Variants in SUPT20H observed in about 807,000 individuals in gnomAD.
The protein encoded by SUPT20H is SPT20 homolog, SAGA complex component.
SUPT20H carries 82 observed loss-of-function variants against 122.8 expected under a neutral mutation model. The ratio of observed to expected loss-of-function variants is 0.67; its 90% CI spans 0.56 to 0.80. The LOEUF is 0.80. Among genes scored for constraint, SUPT20H ranks in the 30% least tolerant of loss-of-function variants. The probability of loss-of-function intolerance (pLI) is 0.00; values close to 1 mark genes in which losing one functional copy is unlikely to be tolerated. For missense variants in SUPT20H, 831 were observed against 921.6 expected, an observed-to-expected ratio of 0.90 and a Z score of 1.27; for synonymous variants, 291 against 313.0, an observed-to-expected ratio of 0.93 and a Z score of 0.74.
At chr13:37,012,063 C>T (rs2059710441) in intron 24 of SUPT20H, 129 bp downstream of exon 24, 2 of 697,686 alleles carry the variant, frequency 2.9e-6, no homozygotes, top group Admixed American at 2.3e-5. Flanking sequence ...ATAGTTTACA[C>T]ATTATAGCTT....
chr13:37,021,502 C>G lies in SUPT20H; in HGVS notation c.1762G>C (p.Gly588Arg). 1 of 1,613,940 alleles carries G rather than the reference C, an allele frequency of 6.2e-7. No individual in the cohort carries two copies. Among genetic ancestry groups the G allele is most frequent in the Non-Finnish European group, 8.5e-7 (1 of 1,179,950 alleles). ...GINLSGLLPS[G>R]GLLPNALPSA... is the part of the protein sequence containing the mutation. The stretch of plus-strand genomic sequence containing the variant: ...GGCAGTGCATTTGGTAGCAGACCTC[C>G]TGAGGGTAGAAGGCCGCTCAGGTTT... Residue 588 changes from glycine (G) to arginine (R), a missense_variant, in exon 21 of 26, where the codon GGA becomes CGA. Coordinates refer to ENST00000350612, the MANE Select transcript of SUPT20H (RefSeq NM_001014286.3).
chr13:37,036,592 T>C (rs1393369620), intron 9 of SUPT20H, among the ~76,000 whole-genome samples: 2 of 152,122 alleles, frequency 1.3e-5, no homozygotes, highest in Non-Finnish European at 2.9e-5. Flanking sequence ...AGTGCTGGAA[T>C]TACAGGTGTG....
At chr13:37,024,630 A>G (rs2061906959) in intron 17 of SUPT20H, 188 bp from the exon 18 acceptor site, 1 of 373,986 alleles carries the variant, frequency 2.7e-6, no homozygotes, top group Admixed American at 4.4e-5. Context: ...AGAAAATTTC[A>G]CATGAGATTC....
At chr13:37,044,563 C>A (rs1255996892) in intron 6 of SUPT20H, among the ~76,000 whole-genome samples, 1 of 152,112 alleles carries the variant, frequency 6.6e-6, no homozygotes, top group East Asian at 1.9e-4. Flanking sequence ...ACTTTTAGAA[C>A]AAAATTCTCT....
intron 13 of SUPT20H, 68 bp from the exon 14 acceptor site, chr13:37,028,373 TCAGGAATAAATGATA>T: frequency 7.0e-7 from 1 of 1,431,220 alleles, no homozygotes; most frequent in South Asian, 1.3e-5. Context: ...TTAGTAAAAA[TCAGGAATAAATGATA>T]CAGTAACATG....
In SUPT20H at chr13:37,010,664, A is replaced by T; in HGVS notation, c.2099-9T>A. 1 of 1,611,358 alleles carries T rather than the reference A, an allele frequency of 6.2e-7. No individual in the cohort carries two copies. The highest frequency in any genetic ancestry group is 8.5e-7 in the Non-Finnish European group (1 of 1,177,936). On this transcript the variant is annotated splice_polypyrimidine_tract_variant and intron_variant, in intron 24 of 25. Coordinates refer to ENST00000350612, the MANE Select transcript of SUPT20H (RefSeq NM_001014286.3). ...GCCAAGCTGAGACAACACTACAGAGAGGAGAAGGGGAAAGCAGGCCAGTCA... is the reference window on the plus strand; with the variant it reads ...GCCAAGCTGAGACAACACTACAGAGTGGAGAAGGGGAAAGCAGGCCAGTCA...
chr13:37,014,866 A>T (rs1593850804), intron 23 of SUPT20H, among the ~76,000 whole-genome samples: 1 of 152,354 alleles, frequency 6.6e-6, no homozygotes, highest in East Asian at 1.9e-4. Flanking sequence ...AAAAACATGG[A>T]AAAATCAATT....
intron 19 of SUPT20H, chr13:37,023,069 TG>T: frequency 7.8e-7 from 1 of 1,281,786 alleles, no homozygotes; most frequent in African/African-American, 1.5e-5. Context: ...GAAAGAAATG[TG>T]AATGTCCAGA....
In SUPT20H at chr13:37,024,133, G is replaced by A; in HGVS notation, c.1493C>T (p.Ser498Phe). The A allele has an allele frequency of 1.2e-6, 2 of 1,613,866 alleles. No individual in the cohort carries two copies. Among genetic ancestry groups the A allele is most frequent in the Non-Finnish European group, 1.7e-6 (2 of 1,179,814 alleles). ...SFLKSPTPPPSSKPSSIPRKS... is the reference protein window; with the variant it reads ...SFLKSPTPPPFSKPSSIPRKS... Reference sequence around the variant, plus strand: ...CCGAGGAATACTTGATGGCTTAGAAGAAGGAGGAGGAGTTGGAGATTTGAG... The same window carrying A: ...CCGAGGAATACTTGATGGCTTAGAAAAAGGAGGAGGAGTTGGAGATTTGAG... The change falls in exon 19 of 26, where the codon TCT (serine) becomes TTT (phenylalanine). Residue 498 changes from serine to phenylalanine, a missense_variant. Ser to Phe is a radical substitution (Grantham distance 155). Transcript: ENST00000350612.
chr13:37,013,153 G>A (rs1276806962), intron 23 of SUPT20H: 4 of 151,250 alleles, frequency 2.6e-5, no homozygotes, highest in Admixed American at 6.6e-5. Flanking sequence ...ACCTACATTA[G>A]CTACAACAAT....
intron 14 of SUPT20H, among the ~76,000 whole-genome samples, chr13:37,027,823 C>T (rs1042081854): frequency 1.3e-5 from 2 of 152,096 alleles, no homozygotes; most frequent in Non-Finnish European, 2.9e-5. Context: ...TATTTAAACA[C>T]ACTATTGCCC....
Position 37,024,205 on chromosome 13 carries a change from T to C in SUPT20H, c.1433-12A>G. The C allele has an allele frequency of 2.5e-6, 4 of 1,594,760 alleles. No homozygotes were observed. Among genetic ancestry groups the C allele is most frequent in the Non-Finnish European group, 3.4e-6 (4 of 1,172,636 alleles). On this transcript the variant is annotated splice_polypyrimidine_tract_variant and intron_variant, in intron 18 of 25. Transcript: ENST00000350612. ...TGTAAAATAGTTACCTAGAAGAACA[T>C]AAAAGTTATTTCCTAAATTTATAAT...
chr13:37,022,795 T>A lies in SUPT20H; in HGVS notation c.1592-715A>T, dbSNP rs930378702. On this transcript the variant is annotated intron_variant, in intron 19 of 25. Coordinates refer to ENST00000350612, the MANE Select transcript of SUPT20H (RefSeq NM_001014286.3). The surrounding 1 kb of genome is among the most constrained non-coding windows in gnomAD (Gnocchi z 4.5). ...TTGGCACCTAAATATACATGTTTAA[T>A]TCCTAACACATCAAGTTTATCCTGA... 4.8e-6 allele frequency: 5 copies of A among 1,048,120 alleles called. No individual in the cohort carries two copies. Among genetic ancestry groups the A allele is most frequent in the Non-Finnish European group, 5.8e-6 (5 of 861,954 alleles). 64.9% of individuals were successfully genotyped at this position (1,048,120 alleles called of 1,614,324 possible).
intron 1 of SUPT20H, among the ~76,000 whole-genome samples, chr13:37,058,939 T>C (rs1347136192): frequency 3.3e-5 from 5 of 152,342 alleles, no homozygotes; most frequent in Admixed American, 6.5e-5. Flanking sequence ...CGTCACTTTA[T>C]ATTTTGAGTC....
intron 15 of SUPT20H, 40 bp from the exon 16 acceptor site, chr13:37,026,276 G>A: frequency 1.4e-6 from 2 of 1,382,450 alleles, no homozygotes; most frequent in Non-Finnish European, 1.9e-6. Context: ...AAAAGTATTA[G>A]GTAAGAGTTG....
At chr13:37,031,118 G>A (rs887564763) in intron 12 of SUPT20H, among the ~76,000 whole-genome samples, 1 of 151,568 alleles carries the variant, frequency 6.6e-6, no homozygotes, top group African/African-American at 2.4e-5. Context: ...TCCTAATCTT[G>A]GTTACTTCTC....
intron 9 of SUPT20H, among the ~76,000 whole-genome samples, chr13:37,035,603 C>T (rs994086390): frequency 6.6e-6 from 1 of 152,054 alleles, no homozygotes; most frequent in Non-Finnish European, 1.5e-5. Flanking sequence ...TCACTGCAAC[C>T]TTCACCTCCT....
In SUPT20H at chr13:37,019,961, G is replaced by A. The variant is rs1474696353; in HGVS notation, c.1817-564C>T. Among the ~76,000 whole-genome samples the A allele has an allele frequency of 2.0e-5, 3 of 152,102 alleles. No homozygotes were observed. In the East Asian group the frequency reaches 5.8e-4, roughly 29 times the overall value. On this transcript the variant is annotated intron_variant, in intron 21 of 25. Transcript: ENST00000350612. Reference sequence around the variant, plus strand: ...CTAAAAAATCTGTTACATTAACACAGAGCATATCTTAAAGCTGGGGGTGAC... The same window carrying A: ...CTAAAAAATCTGTTACATTAACACAAAGCATATCTTAAAGCTGGGGGTGAC...
Position 37,009,629 on chromosome 13 carries a change from T to C in SUPT20H, c.*43A>G, listed in dbSNP as rs551506424. On this transcript the variant is annotated 3_prime_UTR_variant, in exon 26 of 26. Transcript: ENST00000350612. ...TAGAAACTCAATTCTTTTGATTCAG[T>C]GCTCTTGTGTTTTTAAAAAAGGAAC... The C allele has an allele frequency of 6.2e-7, 1 of 1,610,752 alleles. No individual in the cohort carries two copies. Among genetic ancestry groups the C allele is most frequent in the Non-Finnish European group, 8.5e-7 (1 of 1,177,408 alleles).
Sources: gnomAD v4.1 joint callset for allele counts (sites outside exome capture counted in the v4.1 genomes callset) on GRCh38, gnomAD v4.1.1 for gene constraint, Gnocchi (gnomAD v3.1) non-coding constraint, MANE v1.5 for transcripts, NCBI Gene and HGNC (gene_info 2026-07-23, HGNC 2026-07-21) for gene names.